Variants in PLSCR5 observed in about 807,000 individuals in gnomAD.
The protein encoded by PLSCR5 is phospholipid scramblase family member 5, also known as phospholipid scramblase family, member 5.
Under a neutral mutation model 33.6 loss-of-function variants are expected in PLSCR5, and 44 were observed. That is an observed-to-expected ratio of 1.31 (90% CI 1.03 to 1.69). The LOEUF is 1.69. Among genes scored for constraint, PLSCR5 ranks in the 40% most tolerant of loss-of-function variants. The pLI is 0.00. For synonymous variants in PLSCR5, 148 were observed against 112.3 expected, an observed-to-expected ratio of 1.32 and a Z score of -2.01; for missense variants, 375 against 318.7, an observed-to-expected ratio of 1.18 and a Z score of -1.34.
Position 146,586,084 on chromosome 3 carries a change from G to C in PLSCR5, c.806C>G (p.Ala269Gly), listed in dbSNP as rs1241243921. The C allele has an allele frequency of 4.0e-6, 6 of 1,483,286 alleles. No individual in the cohort carries two copies. Among genetic ancestry groups the C allele is most frequent in the Non-Finnish European group, 5.4e-6 (6 of 1,114,372 alleles). 91.9% of individuals were successfully genotyped at this position (1,483,286 alleles called of 1,614,324 possible). Reference sequence around the variant, plus strand: ...TCATTATCTTGGTTATTATAATCCAGCCAGTGAATGTTCAAAGAACATAAA... The same window carrying C: ...TCATTATCTTGGTTATTATAATCCACCCAGTGAATGTTCAAAGAACATAAA... The part of the protein sequence containing the change: ...FDFMFFEHSL[A>G]GL The change falls in exon 7 of 8, where the codon GCT (alanine) becomes GGT (glycine). Residue 269 changes from alanine to glycine, a missense_variant. Ala to Gly is a moderately conservative substitution (Grantham distance 60). Coordinates refer to ENST00000443512, the MANE Select transcript of PLSCR5 (RefSeq NM_001085420.2).
At chr3:146,598,219 G>C (rs1479451620) in intron 2 of PLSCR5, among the ~76,000 whole-genome samples, 1 of 151,924 alleles carries the variant, frequency 6.6e-6, no homozygotes, top group Admixed American at 6.6e-5. Flanking sequence ...TTTATTCATT[G>C]ATTAATGTAC....
chr3:146,595,441 AC>A (rs1252974780), intron 2 of PLSCR5, among the ~76,000 whole-genome samples: 2 of 152,020 alleles, frequency 1.3e-5, no homozygotes, highest in Non-Finnish European at 2.9e-5. Flanking sequence ...AAAATGGCAA[AC>A]CCCTGTCTTT....
chr3:146,586,545 G>A (rs2044667276), intron 6 of PLSCR5, among the ~76,000 whole-genome samples: 1 of 152,194 alleles, frequency 6.6e-6, no homozygotes, highest in African/African-American at 2.4e-5. Context: ...CTGGGTCAGT[G>A]TAGGAAGTTA....
chr3:146,591,657 G>T, intron 5 of PLSCR5, 63 bp downstream of exon 5: 3 of 1,464,870 alleles, frequency 2.0e-6, no homozygotes, highest in South Asian at 1.3e-5. Flanking sequence ...TAAAAAAATT[G>T]AATTATGTTG....
At chr3:146,594,823 C>T (rs1369053125) in intron 3 of PLSCR5, among the ~76,000 whole-genome samples, 1 of 151,944 alleles carries the variant, frequency 6.6e-6, no homozygotes, top group East Asian at 1.9e-4. Context: ...GCAATATCAC[C>T]AAAGATTCAG....
rs1170556618 is a variant in PLSCR5 at position 146,580,454 on chromosome 3, C to CTTTTTT, written c.*45-3735_*45-3730dup. Among the ~76,000 whole-genome samples, 71 of 60,556 alleles carry CTTTTTT rather than the reference C, an allele frequency of 1.2e-3. 1 individual carries two copies. Among genetic ancestry groups the CTTTTTT allele is most frequent in the Middle Eastern group, 0.016 (1 of 64 alleles). 39.7% of individuals were successfully genotyped at this position (60,556 alleles called of 152,430 possible). On this transcript the variant is annotated intron_variant, in intron 7 of 7. Transcript: ENST00000482567. ...TCTTGACTCAGAGCCTTTGAATTTGCTTTTTTTTTTTTTTTTTTTTTTTTT... is the reference window on the plus strand; with the variant it reads ...TCTTGACTCAGAGCCTTTGAATTTGCTTTTTTTTTTTTTTTTTTTTTTTTTTTTTTT...
At chr3:146,603,555 G>C (rs1466768094) in intron 1 of PLSCR5, among the ~76,000 whole-genome samples, 4 of 152,052 alleles carry the variant, frequency 2.6e-5, no homozygotes, top group African/African-American at 9.7e-5. Flanking sequence ...CTTCCTGTTA[G>C]ATTAATCATA....
At chr3:146,580,583 G>C (rs945628003) in intron 7 of PLSCR5, among the ~76,000 whole-genome samples, 3 of 144,628 alleles carry the variant, frequency 2.1e-5, no homozygotes, top group Non-Finnish European at 3.0e-5. Context: ...TTCTACCTCA[G>C]CCTCCCGAGT....
At chr3:146,593,330 G>A (rs190185938) in intron 4 of PLSCR5, among the ~76,000 whole-genome samples, 116 of 152,202 alleles carry the variant, frequency 7.6e-4, no homozygotes, top group African/African-American at 2.7e-3. Context: ...AAAGTTCTGT[G>A]TCAATTTAAC....
At chr3:146,584,203 T>G (rs2044651402), downstream of PLSCR5, among the ~76,000 whole-genome samples, 1 of 152,196 alleles carries the variant, frequency 6.6e-6, no homozygotes, top group African/African-American at 2.4e-5. Flanking sequence ...GTAATTTACT[T>G]TAGCTGATTA....
chr3:146,603,589 G>A (rs1245378159), intron 1 of PLSCR5, among the ~76,000 whole-genome samples: 1 of 152,044 alleles, frequency 6.6e-6, no homozygotes, highest in Non-Finnish European at 1.5e-5. Context: ...TTACTTTCCA[G>A]TCACAAGTTT....
At chr3:146,576,685 A>G (rs1280168867) in exon 8 of PLSCR5, 6 of 151,554 alleles carry the variant, frequency 4.0e-5, no homozygotes, top group African/African-American at 1.2e-4. Context: ...AGTGCAGGCC[A>G]TTCATATGTG....
chr3:146,587,496 G>A (rs1358905465), intron 6 of PLSCR5, among the ~76,000 whole-genome samples: 3 of 152,084 alleles, frequency 2.0e-5, no homozygotes, highest in African/African-American at 7.2e-5. Flanking sequence ...TAAGTGTGGG[G>A]CTTAATCAGA....
intron 7 of PLSCR5, among the ~76,000 whole-genome samples, chr3:146,578,520 G>C (rs2044613566): frequency 6.6e-6 from 1 of 151,828 alleles, no homozygotes; most frequent in African/African-American, 2.4e-5. Context: ...GCCATTTCCT[G>C]CCCACTCATA....
intron 7 of PLSCR5, among the ~76,000 whole-genome samples, chr3:146,578,537 A>C (rs2044613730): frequency 6.6e-6 from 1 of 152,132 alleles, no homozygotes; most frequent in African/African-American, 2.4e-5. Flanking sequence ...CATATTCTTC[A>C]TTCTGGAAGG....
At chr3:146,579,668 C>T (rs1014562212) in intron 7 of PLSCR5, among the ~76,000 whole-genome samples, 8 of 152,182 alleles carry the variant, frequency 5.3e-5, no homozygotes, top group Non-Finnish European at 1.0e-4. Flanking sequence ...CTTGTCAATT[C>T]GCTCAGATTC....
intron 5 of PLSCR5, chr3:146,590,096 G>A (rs1380998270): frequency 4.7e-6 from 1 of 212,448 alleles, no homozygotes; most frequent in Non-Finnish European, 9.2e-6. Flanking sequence ...TTAAGGCTCA[G>A]CCACCACAAG....
At chr3:146,596,239 A>G (rs375255297) in intron 2 of PLSCR5, among the ~76,000 whole-genome samples, 245 of 152,232 alleles carry the variant, frequency 1.6e-3, no homozygotes, top group African/African-American at 5.7e-3. Flanking sequence ...CCCAGGCTGG[A>G]GTGCAGTGGC....
chr3:146,587,644 G>A (rs1265636866), intron 6 of PLSCR5, among the ~76,000 whole-genome samples: 1 of 151,954 alleles, frequency 6.6e-6, no homozygotes, highest in Admixed American at 6.6e-5. Flanking sequence ...GAGGAGAATA[G>A]GGAAGAGATG....
Sources: gnomAD v4.1 joint callset for allele counts (sites outside exome capture counted in the v4.1 genomes callset) on GRCh38, gnomAD v4.1.1 for gene constraint, MANE v1.5 for transcripts, NCBI Gene and HGNC (gene_info 2026-07-23, HGNC 2026-07-21) for gene names.